TRPM3: variants seen among roughly 807,000 people sequenced by gnomAD.
TRPM3 encodes the protein long transient receptor potential channel 3.
A neutral mutation model predicts 181.2 loss-of-function variants in TRPM3; 77 were observed. The ratio of observed to expected loss-of-function variants is 0.42; its 90% CI spans 0.35 to 0.51. TRPM3 has a LOEUF of 0.51. Ranked by LOEUF, TRPM3 falls within the 20% of genes least tolerant of loss-of-function variation. The pLI, the probability that TRPM3 is intolerant of heterozygous loss-of-function variation, is 0.01. For synonymous variants in TRPM3, 745 were observed against 796.4 expected (o/e 0.94, Z 1.09); for missense variants, 1,759 against 2,196.7 (o/e 0.80, Z 3.98).
At chr9:70,577,610 T>C (rs762203204) in intron 22 of TRPM3, among the ~76,000 whole-genome samples, 2 of 152,246 alleles carry the variant, frequency 1.3e-5, no homozygotes, top group African/African-American at 2.4e-5. Context: ...TGGTAGTTAA[T>C]AGAGAATTCA....
chr9:71,334,597 C>G (rs563939380), intron 1 of TRPM3, among the ~76,000 whole-genome samples: 6 of 152,266 alleles, frequency 3.9e-5, no homozygotes, highest in Non-Finnish European at 1.5e-5. Context: ...ATAGCCATTT[C>G]TATCTCTGGC....
chr9:71,006,017 A>G (rs192599001), intron 1 of TRPM3, among the ~76,000 whole-genome samples: 23 of 152,332 alleles, frequency 1.5e-4, no homozygotes, highest in Admixed American at 3.3e-4. Context: ...GAAACATCAA[A>G]AAGTCAAAAT....
intron 22 of TRPM3, among the ~76,000 whole-genome samples, chr9:70,589,961 T>C (rs992516195): frequency 6.6e-6 from 1 of 152,138 alleles, no homozygotes; most frequent in African/African-American, 2.4e-5. Flanking sequence ...GGATGCTAAC[T>C]AGTCTCTGCT....
chr9:71,188,111 A>C (rs2134975056), intron 1 of TRPM3, among the ~76,000 whole-genome samples: 1 of 152,036 alleles, frequency 6.6e-6, no homozygotes, highest in South Asian at 2.1e-4. Flanking sequence ...CACAAGTGCA[A>C]GTCTGTCTAT....
At chr9:71,305,246 G>C (rs906329868) in intron 1 of TRPM3, among the ~76,000 whole-genome samples, 2 of 152,148 alleles carry the variant, frequency 1.3e-5, no homozygotes, top group African/African-American at 4.8e-5. Flanking sequence ...AAATACATTT[G>C]GAATGCTGTA....
At chr9:71,067,109 C>T (rs1374649555) in intron 1 of TRPM3, among the ~76,000 whole-genome samples, 1 of 152,108 alleles carries the variant, frequency 6.6e-6, no homozygotes, top group African/African-American at 2.4e-5. Context: ...AAGAATATAC[C>T]CCCACAGGCC....
chr9:71,438,026 CAAATT>C lies in TRPM3; in HGVS notation c.183+8622_183+8626del, dbSNP rs148429997. On this transcript the variant is annotated intron_variant, in intron 1 of 24. Coordinates refer to the TRPM3 transcript ENST00000357533. ...ATATGAAGTATTGTTGCCAAAAACT[CAAATT>C]AAAACTGATCTAGGCACCTGGTCAA... 9.7e-3 allele frequency among the ~76,000 whole-genome samples: 1,477 copies of C among 152,170 alleles called. 20 individuals are homozygous for C. The highest frequency in any genetic ancestry group is 0.034 in the African/African-American group (1,403 of 41,518).
chr9:71,179,956 T>C (rs2134890851), intron 1 of TRPM3, among the ~76,000 whole-genome samples: 1 of 152,042 alleles, frequency 6.6e-6, no homozygotes, highest in South Asian at 2.1e-4. Context: ...GGAAACTGCT[T>C]AGTTGAAACT....
chr9:70,819,645 A>G (rs532520843), intron 6 of TRPM3, among the ~76,000 whole-genome samples: 138 of 152,320 alleles, frequency 9.1e-4, no homozygotes, highest in Non-Finnish European at 1.6e-3. Context: ...ACACTCCATC[A>G]ATTAATATTG....
chr9:71,324,533 A>G (rs1248529655), intron 1 of TRPM3, among the ~76,000 whole-genome samples: 4 of 152,036 alleles, frequency 2.6e-5, no homozygotes, highest in African/African-American at 9.7e-5. Flanking sequence ...GTGATCTAGT[A>G]TATCCACTAT....
At chr9:70,668,672 G>GAAAAAAAAAAAAAAAAAAAAAAA (rs57929544) in intron 9 of TRPM3, among the ~76,000 whole-genome samples, 1 of 86,512 alleles carries the variant, frequency 1.2e-5, no homozygotes. Context: ...CTCAAAAAAA[G>GAAAAAAAAAAAAAAAAAAAAAAA]AAAAAAAAAA....
At chr9:70,648,292 T>A (rs756459375) in intron 9 of TRPM3, among the ~76,000 whole-genome samples, 1 of 151,922 alleles carries the variant, frequency 6.6e-6, no homozygotes, top group Non-Finnish European at 1.5e-5. Flanking sequence ...CTGGGCAACA[T>A]AGGGAGACCT....
intron 1 of TRPM3, among the ~76,000 whole-genome samples, chr9:71,377,248 A>C (rs1215344591): frequency 6.6e-6 from 1 of 152,136 alleles, no homozygotes; most frequent in East Asian, 1.9e-4. Context: ...AGATCATTAT[A>C]ATAAATCTAG....
At position 71,172,162 on chromosome 9, in the gene TRPM3, T is replaced by C. The variant is rs2134814516; in HGVS notation, c.183+274491A>G. On this transcript the variant is annotated intron_variant, in intron 1 of 24. Coordinates refer to the TRPM3 transcript ENST00000357533. The stretch of plus-strand genomic sequence containing the variant: ...GCAATCCTCCCGCTTCAGCCTCCCC[T>C]AAGTGCTGGGATTACAGGAATGAGC... 2.0e-5 allele frequency among the ~76,000 whole-genome samples: 3 copies of C among 150,176 alleles called. 1 individual carries two copies. The South Asian group carries it at 6.4e-4, about 32-fold the overall frequency.
intron 1 of TRPM3, among the ~76,000 whole-genome samples, chr9:71,367,889 A>G (rs1487499614): frequency 6.6e-6 from 1 of 151,876 alleles, no homozygotes; most frequent in Non-Finnish European, 1.5e-5. Flanking sequence ...TCCTACTTCA[A>G]ATGTCTTAAA....
At chr9:70,683,768 C>T (rs931039008) in intron 8 of TRPM3, among the ~76,000 whole-genome samples, 1 of 152,094 alleles carries the variant, frequency 6.6e-6, no homozygotes, top group East Asian at 1.9e-4. Context: ...CTATTTAATG[C>T]CCCCAAAGTT....
chr9:71,341,958 C>T (rs963195831), intron 1 of TRPM3, among the ~76,000 whole-genome samples: 1 of 151,472 alleles, frequency 6.6e-6, no homozygotes, highest in Admixed American at 6.6e-5. Context: ...AAAGAGCTTC[C>T]AAAAATTGAG....
chr9:70,959,494 G>T (rs1001726868), intron 1 of TRPM3, among the ~76,000 whole-genome samples: 1 of 151,824 alleles, frequency 6.6e-6, no homozygotes, highest in African/African-American at 2.4e-5. Flanking sequence ...AGAAAGAAAG[G>T]CATGCTCATT....
chr9:71,050,548 A>G (rs937582107), intron 1 of TRPM3, among the ~76,000 whole-genome samples: 8 of 152,306 alleles, frequency 5.3e-5, no homozygotes, highest in East Asian at 3.9e-4. Flanking sequence ...GAAAAATTAT[A>G]TCTTATTTGA....
Sources: allele counts gnomAD v4.1 joint callset (sites outside exome capture counted in the v4.1 genomes callset), GRCh38; gene constraint gnomAD v4.1.1; transcripts MANE v1.5; gene names NCBI Gene and HGNC (gene_info 2026-07-23, HGNC 2026-07-21).